Variants in UTP6 observed in about 807,000 individuals in gnomAD.
UTP6 encodes the protein U3 small nucleolar RNA-associated protein 6 homolog.
Under a neutral mutation model 96.5 loss-of-function variants are expected in UTP6, and 60 were observed. The observed-to-expected ratio is 0.62, with a 90% CI of 0.51 to 0.77. The LOEUF is 0.77. UTP6 is among the 30% of genes least tolerant of loss of function. The pLI, the probability that UTP6 is intolerant of heterozygous loss-of-function variation, is 0.00. For synonymous variants in UTP6, 215 were observed against 240.1 expected (o/e 0.90, Z 0.96); for missense variants, 637 against 706.5 (o/e 0.90, Z 1.12).
intron 16 of UTP6, among the ~76,000 whole-genome samples, chr17:31,871,833 C>T (rs1221905244): frequency 6.6e-6 from 1 of 151,898 alleles, no homozygotes; most frequent in Admixed American, 6.6e-5. Flanking sequence ...GCAGAGTTTG[C>T]AGTGAGCCAA....
intron 10 of UTP6, among the ~76,000 whole-genome samples, chr17:31,883,761 C>G (rs939505968): frequency 5.9e-5 from 9 of 152,020 alleles, no homozygotes; most frequent in African/African-American, 2.2e-4. Context: ...ACTCCAGCCT[C>G]AACCTCCCAG....
intron 11 of UTP6, 38 bp downstream of exon 11, chr17:31,880,535 A>C: frequency 6.1e-3 from 7,635 of 1,244,212 alleles, no homozygotes; most frequent in Non-Finnish European, 7.9e-3. Context: ...CAGGGATACT[A>C]TTCCTTCTAT....
intron 10 of UTP6, among the ~76,000 whole-genome samples, chr17:31,884,026 G>A (rs960921762): frequency 3.8e-4 from 54 of 143,930 alleles, no homozygotes; most frequent in African/African-American, 1.4e-3. Flanking sequence ...TTGAGATGGA[G>A]TTTTGCTTGT....
At chr17:31,893,495 G>A (rs189165207) in intron 4 of UTP6, among the ~76,000 whole-genome samples, 20 of 151,306 alleles carry the variant, frequency 1.3e-4, no homozygotes. Context: ...ACTTTTGGAG[G>A]CTGAGGCAGG....
intron 6 of UTP6, 52 bp from the exon 7 acceptor site, chr17:31,889,455 C>A: frequency 6.1e-6 from 8 of 1,306,712 alleles, no homozygotes; most frequent in South Asian, 1.2e-5. Flanking sequence ...TCAAGTCAGA[C>A]AAGAAAAGAA....
At position 31,901,657 on chromosome 17, in the gene UTP6, G is replaced by A. The variant is rs971992277; in HGVS notation, c.-30C>T. Reference sequence around the variant, plus strand: ...TCCGAGGTCTACAACCCCGCGGGTAGCTTCTCAACAGCGAACACGAGCAGG... The same window carrying A: ...TCCGAGGTCTACAACCCCGCGGGTAACTTCTCAACAGCGAACACGAGCAGG... On this transcript the variant is annotated 5_prime_UTR_variant, in exon 1 of 19. Coordinates refer to ENST00000261708, the MANE Select transcript of UTP6 (RefSeq NM_018428.3). 6.2e-7 allele frequency: 1 copy of A among 1,606,696 alleles called. No individual in the cohort carries two copies. The highest frequency in any genetic ancestry group is 8.5e-7 in the Non-Finnish European group (1 of 1,175,752).
intron 1 of UTP6, among the ~76,000 whole-genome samples, chr17:31,901,003 T>C (rs1204163671): frequency 1.3e-5 from 2 of 152,208 alleles, no homozygotes; most frequent in Non-Finnish European, 2.9e-5. Flanking sequence ...TTAAAAACTA[T>C]TAAACATAAT....
intron 13 of UTP6, among the ~76,000 whole-genome samples, chr17:31,876,274 T>A (rs1910499009): frequency 6.6e-6 from 1 of 151,542 alleles, no homozygotes; most frequent in Non-Finnish European, 1.5e-5. Context: ...TGACCTCAGA[T>A]GATCCACCCA....
rs199526310 is a variant in UTP6, at chr17:31,901,563, A to G, written c.65T>C (p.Ile22Thr). The part of the protein sequence containing the change: ...RLPELEQLER[I>T]GLFSHAEIKA... ...AATCTCCGCATGACTGAACAGTCCAATGCGCTCCAGCTGTTCCAATTCCGG... is the reference window on the plus strand; with the variant it reads ...AATCTCCGCATGACTGAACAGTCCAGTGCGCTCCAGCTGTTCCAATTCCGG... The change falls in exon 1 of 19, where the codon ATT becomes ACT. Residue 22 changes from isoleucine (I) to threonine (T), a missense_variant. Ile to Thr is a moderately conservative substitution (Grantham distance 89). Coordinates refer to ENST00000261708, the MANE Select transcript of UTP6 (RefSeq NM_018428.3). The G allele has an allele frequency of 9.3e-6, 15 of 1,613,998 alleles. No homozygotes were observed. The highest frequency in any genetic ancestry group is 6.7e-5 in the East Asian group (3 of 44,868).
chr17:31,901,661 C>A lies in UTP6; in HGVS notation c.-34G>T, dbSNP rs905875883. The A allele has an allele frequency of 6.2e-7, 1 of 1,604,544 alleles. No individual in the cohort carries two copies. The highest frequency in any genetic ancestry group is 1.7e-5 in the Admixed American group (1 of 59,976). ...AGGTCTACAACCCCGCGGGTAGCTT[C>A]TCAACAGCGAACACGAGCAGGAAGC... On this transcript the variant is annotated 5_prime_UTR_variant, in exon 1 of 19. Coordinates refer to ENST00000261708, the MANE Select transcript of UTP6 (RefSeq NM_018428.3).
rs183617591 is a variant in UTP6 at position 31,862,945 on chromosome 17, A to T, written c.*414T>A. 1.7e-3 allele frequency: 262 copies of T among 157,912 alleles called. No homozygotes were observed. Among genetic ancestry groups the T allele is most frequent in the African/African-American group, 4.9e-3 (206 of 41,624 alleles). The allele number at this position is 157,912 out of a possible 1,614,324, so 9.8% of individuals were successfully genotyped here. A position where few individuals can be genotyped will look rare whatever the true frequency, so the allele number is the denominator to read the frequency against. ...CTCATGCTTGACCTGGGATAATTTT[A>T]AAAAAACCCAGTCGTATGCTATCCA... On this transcript the variant is annotated 3_prime_UTR_variant, in exon 19 of 19. Transcript: ENST00000261708.
chr17:31,870,488 T>G (rs926434326), intron 16 of UTP6, among the ~76,000 whole-genome samples: 4 of 151,874 alleles, frequency 2.6e-5, no homozygotes, highest in South Asian at 2.1e-4. Context: ...TTTTGGGTTT[T>G]TTGTTTTTGT....
chr17:31,888,417 G>GT (rs1911275468), intron 7 of UTP6, among the ~76,000 whole-genome samples: 1 of 152,004 alleles, frequency 6.6e-6, no homozygotes, highest in African/African-American at 2.4e-5. Flanking sequence ...ACAAAAAGAT[G>GT]TTTTTCCCTG....
chr17:31,883,371 A>G (rs1476059943), intron 10 of UTP6, among the ~76,000 whole-genome samples: 1 of 149,576 alleles, frequency 6.7e-6, no homozygotes, highest in Non-Finnish European at 1.5e-5. Context: ...GCTGGAGTGC[A>G]ATGGCACAAT....
In UTP6 at chr17:31,870,528, GTTTT is replaced by G. The variant is rs907614453; in HGVS notation, c.1497-2420_1497-2417del. 9.8e-4 allele frequency among the ~76,000 whole-genome samples: 140 copies of G among 142,324 alleles called. 2 individuals are homozygous for G. In the Middle Eastern group the frequency reaches 0.011, roughly 11 times the overall value. The allele number at this position is 142,324 out of a possible 152,430, so 93.4% of individuals were successfully genotyped here. ...GTTGTTGTTTTGGTTTTTTTTTTTGGTTTTTTTTTTTGAGACGGAGTCTTGATCT... is the reference window on the plus strand; with the variant it reads ...GTTGTTGTTTTGGTTTTTTTTTTTGGTTTTTTTGAGACGGAGTCTTGATCT... On this transcript the variant is annotated intron_variant, in intron 16 of 18. Transcript: ENST00000261708.
chr17:31,876,474 G>T (rs1910509314), intron 13 of UTP6, among the ~76,000 whole-genome samples: 1 of 150,446 alleles, frequency 6.6e-6, no homozygotes, highest in Non-Finnish European at 1.5e-5. Context: ...GAGAAACCCT[G>T]TCACTACTAA....
intron 8 of UTP6, 33 bp downstream of exon 8, chr17:31,887,203 T>C (rs1911199996): frequency 6.4e-7 from 1 of 1,558,424 alleles, no homozygotes; most frequent in African/African-American, 1.4e-5. Flanking sequence ...TATACATCGT[T>C]AGCAAGTGAG....
intron 6 of UTP6, among the ~76,000 whole-genome samples, chr17:31,889,691 G>T (rs1316105598): frequency 1.3e-5 from 2 of 151,608 alleles, no homozygotes; most frequent in Non-Finnish European, 2.9e-5. Context: ...GTAGAGACGG[G>T]GTTTCACCAT....
At chr17:31,890,364 C>T (rs1214374819) in intron 6 of UTP6, among the ~76,000 whole-genome samples, 1 of 151,878 alleles carries the variant, frequency 6.6e-6, no homozygotes, top group Non-Finnish European at 1.5e-5. Context: ...ACCTGTAGTT[C>T]CAGCACTTTG....
Sources: allele counts gnomAD v4.1 joint callset (sites outside exome capture counted in the v4.1 genomes callset), GRCh38; gene constraint gnomAD v4.1.1; transcripts MANE v1.5; gene names NCBI Gene and HGNC (gene_info 2026-07-23, HGNC 2026-07-21).